The following FOXP2 variants were observed in gnomAD, a reference collection of about 807,000 sequenced individuals.
FOXP2 encodes forkhead box P2.
A neutral mutation model predicts 115.8 loss-of-function variants in FOXP2; 12 were observed. The observed-to-expected ratio is 0.10, with a 90% CI of 0.07 to 0.17. The LOEUF (loss-of-function observed/expected upper bound fraction) is 0.17. Ranked by LOEUF, FOXP2 falls within the 10% of genes least tolerant of loss-of-function variation. The pLI is 1.00. For missense variants in FOXP2, 629 were observed against 843.5 expected (o/e 0.75, Z 3.15); for synonymous variants, 328 against 297.7 (o/e 1.10, Z -1.05).
chr7:114,297,239 A>G, intron 2 of FOXP2: 1 of 481,808 alleles, frequency 2.1e-6, no homozygotes, highest in Non-Finnish European at 4.1e-6. Context: ...TTGTCCTTGG[A>G]GACCTTCAGT....
chr7:114,213,299 G>C (rs1325591464), intron 1 of FOXP2, among the ~76,000 whole-genome samples: 4 of 152,138 alleles, frequency 2.6e-5, no homozygotes, highest in Non-Finnish European at 4.4e-5. Flanking sequence ...GCTGCACCAG[G>C]ATCATTTGCT....
At chr7:114,115,205 T>A (rs1215241571) in intron 1 of FOXP2, among the ~76,000 whole-genome samples, 1 of 152,130 alleles carries the variant, frequency 6.6e-6, no homozygotes, top group Non-Finnish European at 1.5e-5. Flanking sequence ...CTATTTCATC[T>A]CTTTTTTTCT....
intron 2 of FOXP2, among the ~76,000 whole-genome samples, chr7:114,475,832 T>C (rs962898762): frequency 6.6e-6 from 1 of 151,906 alleles, no homozygotes; most frequent in Non-Finnish European, 1.5e-5. Context: ...TATATCTATC[T>C]AAATAGATAT....
intron 1 of FOXP2, among the ~76,000 whole-genome samples, chr7:114,173,765 G>A (rs1793212233): frequency 6.6e-6 from 1 of 151,782 alleles, no homozygotes; most frequent in Non-Finnish European, 1.5e-5. Context: ...GAAATTTTGG[G>A]AATAAAATCA....
intron 2 of FOXP2, chr7:114,462,986 T>C: frequency 3.0e-6 from 1 of 337,976 alleles, no homozygotes; most frequent in South Asian, 2.3e-5. Flanking sequence ...TGCAAATAGT[T>C]CATCCAAGAT....
chr7:114,284,203 G>C (rs1209579155), intron 1 of FOXP2, among the ~76,000 whole-genome samples: 1 of 151,958 alleles, frequency 6.6e-6, no homozygotes, highest in Non-Finnish European at 1.5e-5. Flanking sequence ...CTTTCACTCA[G>C]GCAGAGTTAT....
At chr7:114,519,590 A>C (rs567903435) in intron 2 of FOXP2, among the ~76,000 whole-genome samples, 1 of 152,282 alleles carries the variant, frequency 6.6e-6, no homozygotes, top group East Asian at 1.9e-4. Context: ...CACTCTGGTG[A>C]GTAGTCTGTT....
chr7:114,570,183 A>T (rs1394971393), intron 3 of FOXP2, among the ~76,000 whole-genome samples: 1 of 151,964 alleles, frequency 6.6e-6, no homozygotes. Flanking sequence ...TTGAGTATAT[A>T]GAGTAGTTTT....
chr7:114,557,129 C>G (rs1800504397), intron 3 of FOXP2, among the ~76,000 whole-genome samples: 1 of 151,876 alleles, frequency 6.6e-6, no homozygotes, highest in African/African-American at 2.4e-5. Context: ...GGGCTCAAAC[C>G]CTGTTTTCAT....
intron 1 of FOXP2, among the ~76,000 whole-genome samples, chr7:114,270,927 G>T (rs1274760216): frequency 6.6e-6 from 1 of 151,652 alleles, no homozygotes; most frequent in Non-Finnish European, 1.5e-5. Flanking sequence ...TCACATTTAG[G>T]GCTATGATCC....
intron 3 of FOXP2, among the ~76,000 whole-genome samples, chr7:114,614,840 G>T (rs896740726): frequency 1.3e-5 from 2 of 152,126 alleles, no homozygotes; most frequent in Non-Finnish European, 2.9e-5. Context: ...AAAGGACTTT[G>T]TGTTTTTCCC....
At chr7:114,112,398 A>G (rs1183645866) in intron 1 of FOXP2, among the ~76,000 whole-genome samples, 1 of 152,144 alleles carries the variant, frequency 6.6e-6, no homozygotes, top group Non-Finnish European at 1.5e-5. Context: ...CCTAGGTTCA[A>G]GCAATTCTCC....
At chr7:114,544,459 A>T (rs1014066866) in intron 3 of FOXP2, among the ~76,000 whole-genome samples, 3 of 152,196 alleles carry the variant, frequency 2.0e-5, no homozygotes, top group Non-Finnish European at 4.4e-5. Context: ...TTAATACCTA[A>T]TAGTTAAGCA....
At chr7:114,564,589 T>A (rs1472372208) in intron 3 of FOXP2, among the ~76,000 whole-genome samples, 1 of 152,056 alleles carries the variant, frequency 6.6e-6, no homozygotes, top group Non-Finnish European at 1.5e-5. Context: ...AAAAAATATC[T>A]AGAAATATGA....
At chr7:114,619,745 C>T (rs1411101145) in intron 3 of FOXP2, among the ~76,000 whole-genome samples, 1 of 149,032 alleles carries the variant, frequency 6.7e-6, no homozygotes, top group Non-Finnish European at 1.5e-5. Context: ...TATGAATAAA[C>T]TGGCTGTGAA....
chr7:114,225,437 T>C (rs1256238526), intron 1 of FOXP2, among the ~76,000 whole-genome samples: 1 of 152,090 alleles, frequency 6.6e-6, no homozygotes, highest in East Asian at 1.9e-4. Flanking sequence ...TGTTTATTTT[T>C]TGCTTTTCAA....
intron 2 of FOXP2, among the ~76,000 whole-genome samples, chr7:114,370,841 G>A (rs1414758450): frequency 1.3e-5 from 2 of 152,140 alleles, no homozygotes; most frequent in African/African-American, 4.8e-5. Flanking sequence ...AAATAGAACA[G>A]GTTTCTCAGT....
chr7:114,197,868 ATT>A (rs767425079), intron 1 of FOXP2, among the ~76,000 whole-genome samples: 15 of 141,294 alleles, frequency 1.1e-4, no homozygotes, highest in African/African-American at 2.1e-4. Flanking sequence ...TTAATTTTTG[ATT>A]TTTTTTTTTT....
intron 2 of FOXP2, among the ~76,000 whole-genome samples, chr7:114,476,180 C>CA (rs1210166251): frequency 6.6e-6 from 1 of 151,184 alleles, no homozygotes; most frequent in Non-Finnish European, 1.5e-5. Context: ...GGGACTTAGC[C>CA]AAAAATTCTT....
Sources: gnomAD v4.1 joint callset for allele counts (sites outside exome capture counted in the v4.1 genomes callset) on GRCh38, gnomAD v4.1.1 for gene constraint, MANE v1.5 for transcripts, NCBI Gene and HGNC (gene_info 2026-07-23, HGNC 2026-07-21) for gene names.